The following ALK variants were observed in gnomAD, a reference collection of about 807,000 sequenced individuals.
The protein encoded by ALK is ALK tyrosine kinase receptor.
ALK carries 74 observed loss-of-function variants against 163.1 expected under a neutral mutation model. The observed-to-expected ratio is 0.45, with a 90% CI of 0.38 to 0.55. The LOEUF (loss-of-function observed/expected upper bound fraction) is 0.55. ALK is among the 20% of genes least tolerant of loss of function. The probability of loss-of-function intolerance (pLI) is 0.00; values close to 1 mark genes in which losing one functional copy is unlikely to be tolerated. For synonymous variants in ALK, 960 were observed against 843.2 expected (o/e 1.14, Z -2.40); for missense variants, 2,063 against 2,105.3 (o/e 0.98, Z 0.39).
chr2:29,279,063 C>T (rs1665640602), intron 9 of ALK, among the ~76,000 whole-genome samples: 1 of 151,702 alleles, frequency 6.6e-6, no homozygotes, highest in Non-Finnish European at 1.5e-5. Flanking sequence ...TCTGTGCCTT[C>T]CTTCCTTATT....
At chr2:29,741,403 T>G (rs1316312746) in intron 1 of ALK, among the ~76,000 whole-genome samples, 1 of 152,246 alleles carries the variant, frequency 6.6e-6, no homozygotes, top group Non-Finnish European at 1.5e-5. Flanking sequence ...GGGGGAGCTA[T>G]GCATTGTGGG....
intron 5 of ALK, among the ~76,000 whole-genome samples, chr2:29,379,751 G>A (rs1668849232): frequency 6.6e-6 from 1 of 152,194 alleles, no homozygotes; most frequent in African/African-American, 2.4e-5. Flanking sequence ...TGTGGAAGAT[G>A]GAATGGTATC....
chr2:29,309,731 G>A (rs1277903123), intron 8 of ALK, among the ~76,000 whole-genome samples: 4 of 150,936 alleles, frequency 2.7e-5, no homozygotes, highest in Middle Eastern at 3.4e-3. Flanking sequence ...GCTTGCAACC[G>A]TGGGGGGTGG....
intron 4 of ALK, among the ~76,000 whole-genome samples, chr2:29,474,318 T>G (rs1490431545): frequency 1.3e-5 from 2 of 152,162 alleles, no homozygotes; most frequent in African/African-American, 2.4e-5. Context: ...GTAATGATCT[T>G]TAAGGGACTG....
chr2:29,542,806 C>A (rs1448098536), intron 3 of ALK, among the ~76,000 whole-genome samples: 1 of 152,130 alleles, frequency 6.6e-6, no homozygotes, highest in African/African-American at 2.4e-5. Context: ...CAGATCTGTA[C>A]AAAAATTTAT....
At chr2:29,685,520 C>T (rs899214636) in intron 3 of ALK, among the ~76,000 whole-genome samples, 1 of 152,174 alleles carries the variant, frequency 6.6e-6, no homozygotes, top group Non-Finnish European at 1.5e-5. Context: ...TTAAGGACTG[C>T]ATTTCCAGCC....
chr2:29,197,679 G>A lies in ALK; in HGVS notation c.3939-3C>T, dbSNP rs2148143687. 6.2e-7 allele frequency: 1 copy of A among 1,613,506 alleles called. No homozygotes were observed. The highest frequency in any genetic ancestry group is 1.7e-5 in the Admixed American group (1 of 60,002). ...CCCATAGCAGCACTCCAAAGGACCTGGGCATGGGACAGAGGACATGGAGAT... is the reference window on the plus strand; with the variant it reads ...CCCATAGCAGCACTCCAAAGGACCTAGGCATGGGACAGAGGACATGGAGAT... On this transcript the variant is annotated splice_region_variant and splice_polypyrimidine_tract_variant and intron_variant, in intron 26 of 28. Coordinates refer to ENST00000389048, the MANE Select transcript of ALK (RefSeq NM_004304.5).
At chr2:29,468,649 G>T (rs77412899) in intron 4 of ALK, among the ~76,000 whole-genome samples, 112 of 151,904 alleles carry the variant, frequency 7.4e-4, no homozygotes, top group African/African-American at 2.7e-3. Flanking sequence ...AGGGGTTCAG[G>T]ACCAGACTGG....
intron 5 of ALK, among the ~76,000 whole-genome samples, chr2:29,331,244 A>G (rs1667429153): frequency 6.6e-6 from 1 of 152,210 alleles, no homozygotes; most frequent in African/African-American, 2.4e-5. Flanking sequence ...AGGTTTCCCC[A>G]GATAACTTAT....
intron 1 of ALK, among the ~76,000 whole-genome samples, chr2:29,865,943 G>C (rs1006487928): frequency 3.3e-5 from 5 of 152,162 alleles, no homozygotes; most frequent in Admixed American, 6.5e-5. Context: ...GGGTCGCTGG[G>C]AGCAAGGGTC....
At chr2:29,398,110 G>A (rs1669354121) in intron 4 of ALK, among the ~76,000 whole-genome samples, 1 of 152,170 alleles carries the variant, frequency 6.6e-6, no homozygotes, top group Non-Finnish European at 1.5e-5. Flanking sequence ...CTGCATGAGA[G>A]GCAGGGGCAC....
chr2:29,532,483 G>A (rs946289282), intron 3 of ALK, among the ~76,000 whole-genome samples: 12 of 152,176 alleles, frequency 7.9e-5, no homozygotes, highest in African/African-American at 2.9e-4. Flanking sequence ...AATGATCTTT[G>A]GAAAAGCATT....
At chr2:29,545,318 G>A (rs960319518) in intron 3 of ALK, among the ~76,000 whole-genome samples, 5 of 152,136 alleles carry the variant, frequency 3.3e-5, no homozygotes, top group African/African-American at 1.2e-4. Flanking sequence ...AAGCAAACTG[G>A]GGCCACTGAA....
At chr2:29,456,952 A>T (rs143614115) in intron 4 of ALK, among the ~76,000 whole-genome samples, 1 of 152,218 alleles carries the variant, frequency 6.6e-6, no homozygotes, top group Non-Finnish European at 1.5e-5. Context: ...ACATAAAGAC[A>T]AAATAGAACG....
chr2:29,579,111 A>G (rs1674604389), intron 3 of ALK, among the ~76,000 whole-genome samples: 1 of 152,192 alleles, frequency 6.6e-6, no homozygotes. Context: ...GCCCTGCTGA[A>G]TGGGTCTGGA....
intron 28 of ALK, 139 bp from the exon 29 acceptor site, chr2:29,194,061 G>C: frequency 1.2e-6 from 1 of 808,464 alleles, no homozygotes; most frequent in Non-Finnish European, 2.0e-6. Flanking sequence ...GTAACTTACA[G>C]GCACTGGGGC....
intron 9 of ALK, among the ~76,000 whole-genome samples, chr2:29,278,315 G>C (rs1573186277): frequency 6.6e-6 from 1 of 152,168 alleles, no homozygotes; most frequent in East Asian, 1.9e-4. Context: ...AGGAGGTTCT[G>C]CCATTATTTC....
intron 1 of ALK, among the ~76,000 whole-genome samples, chr2:29,851,176 A>G (rs993226653): frequency 6.6e-6 from 1 of 152,246 alleles, no homozygotes; most frequent in Non-Finnish European, 1.5e-5. Flanking sequence ...GATTGTAAGG[A>G]AATGTTTTAA....
chr2:29,312,928 G>A (rs1213630068), intron 8 of ALK, among the ~76,000 whole-genome samples: 1 of 152,194 alleles, frequency 6.6e-6, no homozygotes, highest in Non-Finnish European at 1.5e-5. Flanking sequence ...CAGGAACTCT[G>A]CCTGATGAGT....
Sources: gnomAD v4.1 joint callset for allele counts (sites outside exome capture counted in the v4.1 genomes callset) on GRCh38, gnomAD v4.1.1 for gene constraint, MANE v1.5 for transcripts, NCBI Gene and HGNC (gene_info 2026-07-23, HGNC 2026-07-21) for gene names.